The following ZNF569 variants were observed in gnomAD, a reference collection of about 807,000 sequenced individuals.
ZNF569 encodes the protein zinc finger protein 569.
ZNF569 carries 38 observed loss-of-function variants against 56.3 expected under a neutral mutation model. The observed-to-expected ratio is 0.68, with a 90% confidence interval of 0.52 to 0.88. ZNF569 has a LOEUF of 0.88. ZNF569 is among the 40% of genes least tolerant of loss of function. The probability of loss-of-function intolerance (pLI) is 0.00; values close to 1 mark genes in which losing one functional copy is unlikely to be tolerated. For missense variants in ZNF569, 666 were observed against 809.2 expected (o/e 0.82, Z 2.15); for synonymous variants, 241 against 262.9 (o/e 0.92, Z 0.81).
intron 2 of ZNF569, among the ~76,000 whole-genome samples, chr19:37,464,034 A>C (rs2041794378): frequency 6.6e-6 from 1 of 152,184 alleles, no homozygotes. Flanking sequence ...TTAATTTATT[A>C]CTGAAAAAAG....
chr19:37,459,270 G>A (rs1213578102), intron 2 of ZNF569, among the ~76,000 whole-genome samples: 1 of 146,344 alleles, frequency 6.8e-6, no homozygotes, highest in Admixed American at 6.8e-5. Context: ...TATTGAAACT[G>A]AAAAAACAAC....
intron 3 of ZNF569, among the ~76,000 whole-genome samples, 196 bp downstream of exon 3, chr19:37,444,711 G>C (rs1465505902): frequency 1.3e-5 from 2 of 152,032 alleles, no homozygotes; most frequent in African/African-American, 4.8e-5. Flanking sequence ...TTGAAGCCCA[G>C]CTTTAATCTC....
Position 37,444,775 on chromosome 19 carries a change from G to A in ZNF569, c.15+132C>T, listed in dbSNP as rs759007116. 37 of 648,810 alleles carry A rather than the reference G, an allele frequency of 5.7e-5. 1 individual carries two copies. Among genetic ancestry groups the A allele is most frequent in the South Asian group, 4.3e-4 (19 of 43,702 alleles). 40.2% of individuals were successfully genotyped at this position (648,810 alleles called of 1,614,324 possible). On this transcript the variant is annotated intron_variant, in intron 3 of 5. Coordinates refer to ENST00000316950, the MANE Select transcript of ZNF569 (RefSeq NM_152484.3). ...TTTTAACTCTTCCCTAGTTTTAATC[G>A]TTCAACTCTATTTCCCCTGAAAATA...
chr19:37,467,774 G>A, upstream of ZNF569: 1 of 1,059,676 alleles, frequency 9.4e-7, no homozygotes, highest in Non-Finnish European at 1.4e-6. Flanking sequence ...TCCAGGGCGA[G>A]AGACCCTGTC....
intron 2 of ZNF569, among the ~76,000 whole-genome samples, chr19:37,462,224 G>A (rs1460235570): frequency 2.0e-5 from 3 of 151,932 alleles, no homozygotes; most frequent in Admixed American, 6.6e-5. Context: ...TGTTATTGCC[G>A]TGGTCAAGCT....
In ZNF569 at chr19:37,413,383, G is replaced by T. The variant is rs1293089328; in HGVS notation, c.1275C>A (p.Phe425Leu). The T allele has an allele frequency of 6.2e-7, 1 of 1,610,996 alleles. No individual in the cohort carries two copies. Among genetic ancestry groups the T allele is most frequent in the Non-Finnish European group, 8.5e-7 (1 of 1,179,178 alleles). ...CRKAFSHKKNFITHQKIHTRE... is the reference protein window; with the variant it reads ...CRKAFSHKKNLITHQKIHTRE... ...TAGTATGAATTTTCTGGTGTGTAAT[G>T]AAGTTTTTCTTGTGGCTGAAGGCTT... The change falls in exon 6 of 6, where the codon TTC (phenylalanine) becomes TTA (leucine). Residue 425 changes from phenylalanine to leucine, a missense_variant. By Grantham distance (22) the Phe-to-Leu change is conservative. Transcript: ENST00000316950.
upstream of ZNF569, chr19:37,467,778 C>G: frequency 2.7e-6 from 3 of 1,099,016 alleles, no homozygotes; most frequent in Non-Finnish European, 4.0e-6. Context: ...GGGCGAGAGA[C>G]CCTGTCCAGT....
intron 3 of ZNF569, among the ~76,000 whole-genome samples, chr19:37,429,698 G>T (rs1020458177): frequency 6.6e-6 from 1 of 152,180 alleles, no homozygotes; most frequent in Non-Finnish European, 1.5e-5. Flanking sequence ...GCATAGTGAG[G>T]CTATTAAAGT....
chr19:37,417,140 T>A (rs1428923895), intron 5 of ZNF569, among the ~76,000 whole-genome samples: 2 of 152,250 alleles, frequency 1.3e-5, no homozygotes, highest in African/African-American at 4.8e-5. Flanking sequence ...CCAAGGAATG[T>A]CTGGGGATAC....
intron 5 of ZNF569, among the ~76,000 whole-genome samples, chr19:37,416,338 ATCAAG>A (rs1437465815): frequency 6.6e-6 from 1 of 152,106 alleles, no homozygotes; most frequent in Non-Finnish European, 1.5e-5. Flanking sequence ...TACCTGAAAA[ATCAAG>A]TCATCTGAAC....
chr19:37,464,629 T>G (rs1217772912), intron 2 of ZNF569, among the ~76,000 whole-genome samples: 1 of 152,228 alleles, frequency 6.6e-6, no homozygotes, highest in Non-Finnish European at 1.5e-5. Context: ...AACAATAGGC[T>G]GTGCCATATA....
intron 2 of ZNF569, among the ~76,000 whole-genome samples, chr19:37,451,732 C>T (rs1357815527): frequency 2.0e-5 from 3 of 152,082 alleles, no homozygotes; most frequent in Non-Finnish European, 4.4e-5. Flanking sequence ...CCTATTTTAT[C>T]TGACATATGT....
intron 2 of ZNF569, among the ~76,000 whole-genome samples, chr19:37,452,263 T>A (rs915128873): frequency 2.6e-5 from 4 of 152,244 alleles, no homozygotes; most frequent in African/African-American, 9.6e-5. Flanking sequence ...AGTGTATCTT[T>A]TAACATATTT....
At chr19:37,414,822 C>T (rs1283793941) in intron 5 of ZNF569, among the ~76,000 whole-genome samples, 1 of 152,090 alleles carries the variant, frequency 6.6e-6, no homozygotes, top group Non-Finnish European at 1.5e-5. Context: ...AATCTAAACA[C>T]TTTTCTGGAT....
chr19:37,429,608 T>G (rs1259800745), intron 3 of ZNF569, among the ~76,000 whole-genome samples: 2 of 152,202 alleles, frequency 1.3e-5, no homozygotes, highest in Non-Finnish European at 1.5e-5. Flanking sequence ...GTGAGAAGCA[T>G]AGTTGGCAAA....
At chr19:37,438,760 C>T (rs138207565) in intron 3 of ZNF569, among the ~76,000 whole-genome samples, 13 of 152,146 alleles carry the variant, frequency 8.5e-5, no homozygotes, top group African/African-American at 2.9e-4. Flanking sequence ...GGGATCATAT[C>T]AAGTTAAAAA....
chr19:37,442,340 T>C (rs1341079801), intron 3 of ZNF569, among the ~76,000 whole-genome samples: 1 of 152,146 alleles, frequency 6.6e-6, no homozygotes, highest in African/African-American at 2.4e-5. Flanking sequence ...GGTAGGAACA[T>C]TTAAAAGCAT....
chr19:37,441,094 T>C (rs1417851502), intron 3 of ZNF569, among the ~76,000 whole-genome samples: 3 of 152,094 alleles, frequency 2.0e-5, no homozygotes, highest in African/African-American at 7.2e-5. Context: ...CTTAACTTTA[T>C]TGAAAAAGGA....
intron 1 of ZNF569, 41 bp from the exon 2 acceptor site, chr19:37,465,514 C>T (rs1054010034): frequency 6.6e-6 from 1 of 152,128 alleles, no homozygotes; most frequent in Non-Finnish European, 1.5e-5. Context: ...CTTTAGAAAA[C>T]ATATAATTTA....
Sources: allele counts gnomAD v4.1 joint callset (sites outside exome capture counted in the v4.1 genomes callset), GRCh38; gene constraint gnomAD v4.1.1; transcripts MANE v1.5; gene names NCBI Gene and HGNC (gene_info 2026-07-23, HGNC 2026-07-21).